DCC: variants seen among roughly 807,000 people sequenced by gnomAD.
DCC encodes DCC netrin 1 receptor, also known as netrin receptor DCC.
A neutral mutation model predicts 172.5 loss-of-function variants in DCC; 58 were observed. The ratio of observed to expected loss-of-function variants is 0.34; its 90% confidence interval spans 0.27 to 0.42. The LOEUF (loss-of-function observed/expected upper bound fraction) is 0.42, where lower values mean the gene tolerates loss of function less well. DCC is among the 10% of genes least tolerant of loss of function. The pLI, the probability that DCC is intolerant of heterozygous loss-of-function variation, is 1.00. For synonymous variants in DCC, 709 were observed against 644.5 expected (o/e 1.10, Z -1.52); for missense variants, 1,740 against 1,791.0 (o/e 0.97, Z 0.51).
chr18:52,428,032 T>A (rs1987500335), intron 1 of DCC, among the ~76,000 whole-genome samples: 1 of 152,064 alleles, frequency 6.6e-6, no homozygotes, highest in Admixed American at 6.6e-5. Context: ...GTGGCTCATG[T>A]GTTTATTCCC....
chr18:53,073,611 G>T (rs925995995), intron 7 of DCC, among the ~76,000 whole-genome samples: 26 of 152,134 alleles, frequency 1.7e-4, no homozygotes, highest in African/African-American at 6.0e-4. Flanking sequence ...AAAAAAAATA[G>T]TTTCACTGTA....
intron 12 of DCC, among the ~76,000 whole-genome samples, chr18:53,247,507 G>A (rs2056379504): frequency 6.6e-6 from 1 of 152,036 alleles, no homozygotes; most frequent in Non-Finnish European, 1.5e-5. Context: ...GAGCATAGGA[G>A]AGTCTCTAGC....
At chr18:52,827,091 G>A (rs2038523421) in intron 2 of DCC, among the ~76,000 whole-genome samples, 1 of 152,156 alleles carries the variant, frequency 6.6e-6, no homozygotes, top group Admixed American at 6.5e-5. Context: ...GGGTAACTGA[G>A]GGAGAGATGA....
intron 7 of DCC, among the ~76,000 whole-genome samples, chr18:53,144,180 G>A (rs1243321083): frequency 1.3e-5 from 2 of 152,266 alleles, no homozygotes; most frequent in Non-Finnish European, 1.5e-5. Flanking sequence ...GTCTCAGATT[G>A]TCATTCATAT....
At chr18:52,842,495 G>A (rs529346002) in intron 2 of DCC, among the ~76,000 whole-genome samples, 10 of 152,268 alleles carry the variant, frequency 6.6e-5, no homozygotes, top group African/African-American at 2.4e-4. Context: ...TGGATTAGAT[G>A]ATGCTAGCCC....
intron 12 of DCC, among the ~76,000 whole-genome samples, chr18:53,227,399 C>T (rs2056050518): frequency 6.6e-6 from 1 of 152,120 alleles, no homozygotes; most frequent in Non-Finnish European, 1.5e-5. Flanking sequence ...CAATGAAACC[C>T]ACTTATTTCA....
intron 9 of DCC, among the ~76,000 whole-genome samples, chr18:53,179,581 T>C (rs2055164049): frequency 6.6e-6 from 1 of 152,140 alleles, no homozygotes; most frequent in Non-Finnish European, 1.5e-5. Context: ...AAAAGCAAAT[T>C]GAGATTTGAG....
intron 1 of DCC, among the ~76,000 whole-genome samples, chr18:52,636,667 AC>A (rs2034786630): frequency 6.6e-6 from 1 of 151,962 alleles, no homozygotes; most frequent in Admixed American, 6.6e-5. Context: ...CAGCAGCAAG[AC>A]CCACCCCAGA....
intron 14 of DCC, among the ~76,000 whole-genome samples, chr18:53,339,115 G>GCA (rs2057624613): frequency 6.6e-6 from 1 of 152,146 alleles, no homozygotes; most frequent in African/African-American, 2.4e-5. Context: ...AACCAAATTT[G>GCA]CACAGGTCCA....
At chr18:53,203,890 A>G (rs1039387157) in intron 9 of DCC, among the ~76,000 whole-genome samples, 1 of 152,180 alleles carries the variant, frequency 6.6e-6, no homozygotes, top group Admixed American at 6.5e-5. Flanking sequence ...TTTACAAGCT[A>G]TATACAGGTC....
intron 7 of DCC, among the ~76,000 whole-genome samples, chr18:53,123,288 G>A (rs1171223425): frequency 1.3e-5 from 2 of 152,070 alleles, no homozygotes; most frequent in Non-Finnish European, 2.9e-5. Flanking sequence ...GGCGAAGTTG[G>A]GGGATGGTGG....
At chr18:53,158,981 G>A (rs1332540330) in intron 8 of DCC, among the ~76,000 whole-genome samples, 6 of 59,256 alleles carry the variant, frequency 1.0e-4, no homozygotes, top group African/African-American at 1.3e-4. Flanking sequence ...CAACAGAGAC[G>A]CCATCTCAAA....
chr18:52,564,859 A>G (rs921362770), intron 1 of DCC, among the ~76,000 whole-genome samples: 5 of 152,018 alleles, frequency 3.3e-5, no homozygotes, highest in Admixed American at 2.6e-4. Flanking sequence ...TCTGTACATG[A>G]GCGCAGATTG....
chr18:53,307,891 GTGTA>G (rs1411572806), intron 13 of DCC, among the ~76,000 whole-genome samples: 5 of 48,006 alleles, frequency 1.0e-4, no homozygotes, highest in Non-Finnish European at 2.5e-4. Flanking sequence ...AGCAATGTGT[GTGTA>G]TGTATATATA....
chr18:52,913,498 T>G lies in DCC; in HGVS notation c.697+7170T>G, dbSNP rs76946078. On this transcript the variant is annotated intron_variant, in intron 3 of 28. Coordinates refer to ENST00000442544, the MANE Select transcript of DCC (RefSeq NM_005215.4). ...ATCTCCCCCTCAGCAAATCAACCAGTTTTTTTTTCTATTTTTATTGTTGAC... is the reference window on the plus strand; with the variant it reads ...ATCTCCCCCTCAGCAAATCAACCAGGTTTTTTTTCTATTTTTATTGTTGAC... Among the ~76,000 whole-genome samples, 147 of 151,260 alleles carry G rather than the reference T, an allele frequency of 9.7e-4. 5 individuals carry two copies. The East Asian group carries it at 0.022, about 23-fold the overall frequency.
intron 7 of DCC, among the ~76,000 whole-genome samples, chr18:53,121,830 A>G (rs2043488397): frequency 6.6e-6 from 1 of 151,942 alleles, no homozygotes; most frequent in African/African-American, 2.4e-5. Context: ...CTTGAGTTTT[A>G]TACCTACTGC....
intron 1 of DCC, among the ~76,000 whole-genome samples, chr18:52,376,035 C>G (rs947697576): frequency 6.6e-6 from 1 of 152,168 alleles, no homozygotes; most frequent in Non-Finnish European, 1.5e-5. Context: ...GATCCTGGAA[C>G]CCACTAGGCT....
chr18:52,629,881 C>T lies in DCC; in HGVS notation c.92-122173C>T, dbSNP rs547087545. Among the ~76,000 whole-genome samples, 6 of 133,706 alleles carry T rather than the reference C, an allele frequency of 4.5e-5. No individual in the cohort carries two copies. In the East Asian group the frequency reaches 1.0e-3, roughly 23 times the overall value. 87.7% of individuals were successfully genotyped at this position (133,706 alleles called of 152,430 possible). ...AGGAGAATGGCGTGAAACCGGGAGG[C>T]GGAGCTTGCAGTGAGCGGAGATGGC... On this transcript the variant is annotated intron_variant, in intron 1 of 28. Transcript: ENST00000442544.
At chr18:53,158,133 TA>T (rs1171458202) in intron 8 of DCC, among the ~76,000 whole-genome samples, 1 of 121,222 alleles carries the variant, frequency 8.2e-6, no homozygotes, top group African/African-American at 2.7e-5. Context: ...AAAAGTTTTT[TA>T]AAAACAAAAA....
Sources: gnomAD v4.1 joint callset for allele counts (sites outside exome capture counted in the v4.1 genomes callset) on GRCh38, gnomAD v4.1.1 for gene constraint, MANE v1.5 for transcripts, NCBI Gene and HGNC (gene_info 2026-07-23, HGNC 2026-07-21) for gene names.